The following VSTM4 variants were observed in gnomAD, a reference collection of about 807,000 sequenced individuals.
VSTM4 encodes V-set and transmembrane domain containing 4, also known as V-set and transmembrane domain-containing protein 4.
Under a neutral mutation model 36.4 loss-of-function variants are expected in VSTM4, and 20 were observed. The ratio of observed to expected loss-of-function variants is 0.55; its 90% CI spans 0.39 to 0.80. The LOEUF (loss-of-function observed/expected upper bound fraction) is 0.80, where lower values mean the gene tolerates loss of function less well. Among genes scored for constraint, VSTM4 ranks in the 30% least tolerant of loss-of-function variants. The probability of loss-of-function intolerance (pLI) is 0.00; values close to 1 mark genes in which losing one functional copy is unlikely to be tolerated. For synonymous variants in VSTM4, 182 were observed against 173.9 expected (o/e 1.05, Z -0.37); for missense variants, 392 against 404.5 (o/e 0.97, Z 0.26).
At chr10:49,054,628 G>C (rs986142298) in intron 5 of VSTM4, among the ~76,000 whole-genome samples, 1 of 152,214 alleles carries the variant, frequency 6.6e-6, no homozygotes, top group African/African-American at 2.4e-5. Context: ...AGAAGGCGGG[G>C]AGCAGTTTAT....
At chr10:49,045,666 C>T (rs4012666) in intron 7 of VSTM4, among the ~76,000 whole-genome samples, 12,591 of 152,192 alleles carry the variant, frequency 0.083, 816 homozygotes, top group East Asian at 0.21. Context: ...AGGGACTGGC[C>T]TCTAACAAAT....
chr10:49,109,485 A>T (rs1053511030), intron 1 of VSTM4, among the ~76,000 whole-genome samples: 3 of 134,616 alleles, frequency 2.2e-5, no homozygotes, highest in African/African-American at 7.9e-5. Context: ...TGATTTCAGG[A>T]TCATTTTTCC....
chr10:49,078,108 A>T (rs1844212478), intron 3 of VSTM4, among the ~76,000 whole-genome samples: 2 of 152,248 alleles, frequency 1.3e-5, no homozygotes, highest in Admixed American at 1.3e-4. Context: ...CAACTACAGT[A>T]AAATATCCCT....
At chr10:49,032,709 G>A (rs1271513410) in intron 7 of VSTM4, among the ~76,000 whole-genome samples, 1 of 152,178 alleles carries the variant, frequency 6.6e-6, no homozygotes, top group Non-Finnish European at 1.5e-5. Flanking sequence ...TCTTTCCAAT[G>A]AAACTCTTTC....
At chr10:49,096,668 T>TGTGTGTGTGTGTGTGTGTGTGTG in intron 2 of VSTM4, among the ~76,000 whole-genome samples, 16 of 147,270 alleles carry the variant, frequency 1.1e-4, no homozygotes, top group African/African-American at 3.8e-4. Flanking sequence ...TGTGTGTGTG[T>TGTGTGTGTGTGTGTGTGTGTGTG]TTTGAGACGG....
chr10:49,040,373 C>T (rs1240001760), intron 7 of VSTM4, among the ~76,000 whole-genome samples: 2 of 150,016 alleles, frequency 1.3e-5, no homozygotes, highest in African/African-American at 4.9e-5. Flanking sequence ...ACCTCCATTT[C>T]CCGGGTTCAA....
chr10:49,063,547 T>G (rs1843919864), intron 5 of VSTM4, among the ~76,000 whole-genome samples: 2 of 152,240 alleles, frequency 1.3e-5, no homozygotes, highest in Admixed American at 6.5e-5. Context: ...AGGTTTATCA[T>G]GTAATCTTGG....
Position 49,019,780 on chromosome 10 carries a change from A to T in VSTM4, c.838-5T>A. 1 of 1,607,890 alleles carries T rather than the reference A, an allele frequency of 6.2e-7. No individual in the cohort carries two copies. The highest frequency in any genetic ancestry group is 8.5e-7 in the Non-Finnish European group (1 of 1,176,778). On this transcript the variant is annotated splice_region_variant and splice_polypyrimidine_tract_variant and intron_variant, in intron 7 of 7. Transcript: ENST00000332853. ...GTTTTCCTCAGCAATCTTTGGCTAT[A>T]AAAGAAAAAACAAAACAAAACACAA... is the stretch of plus-strand genomic sequence containing the variant.
chr10:49,033,995 T>C (rs1046864729), intron 7 of VSTM4, among the ~76,000 whole-genome samples: 3 of 151,918 alleles, frequency 2.0e-5, no homozygotes, highest in Non-Finnish European at 4.4e-5. Context: ...ATCACCATCA[T>C]CACCATTACC....
chr10:49,100,164 T>G lies in VSTM4; in HGVS notation c.457+7430A>C, dbSNP rs1172058265. 2.0e-5 allele frequency among the ~76,000 whole-genome samples: 3 copies of G among 152,222 alleles called. No individual in the cohort carries two copies. In the East Asian group the frequency reaches 5.8e-4, roughly 29 times the overall value. The stretch of plus-strand genomic sequence containing the variant: ...CCACGGTTGCCTCAAAGCTGGCTTT[T>G]AATAAGATAACTGACAGTCTCTAAG... On this transcript the variant is annotated intron_variant, in intron 2 of 7. Coordinates refer to ENST00000332853, the MANE Select transcript of VSTM4 (RefSeq NM_001031746.5).
At chr10:49,084,728 T>C (rs1844339419) in intron 3 of VSTM4, among the ~76,000 whole-genome samples, 1 of 152,254 alleles carries the variant, frequency 6.6e-6, no homozygotes, top group South Asian at 2.1e-4. Flanking sequence ...TTAATCAGCC[T>C]TTCACTGATC....
chr10:49,107,536 G>A (rs1844804337), intron 2 of VSTM4, 58 bp downstream of exon 2: 1 of 1,528,930 alleles, frequency 6.5e-7, no homozygotes, highest in African/African-American at 1.4e-5. Context: ...TGGCTGCAAA[G>A]GGGGGCCTAC....
At chr10:49,063,494 C>A (rs149324664) in intron 5 of VSTM4, among the ~76,000 whole-genome samples, 1 of 152,078 alleles carries the variant, frequency 6.6e-6, no homozygotes, top group Non-Finnish European at 1.5e-5. Context: ...GTCAGAAGGT[C>A]CCAGGTCCTA....
chr10:49,096,017 G>GT (rs1426279680), intron 2 of VSTM4, among the ~76,000 whole-genome samples: 1 of 152,166 alleles, frequency 6.6e-6, no homozygotes, highest in African/African-American at 2.4e-5. Flanking sequence ...TTAAAGTGGT[G>GT]TTTAAATTAC....
At chr10:49,094,026 C>A (rs1038215782) in intron 2 of VSTM4, among the ~76,000 whole-genome samples, 1 of 152,144 alleles carries the variant, frequency 6.6e-6, no homozygotes, top group East Asian at 1.9e-4. Context: ...GGATTACAGG[C>A]GTTAGCCACG....
intron 5 of VSTM4, among the ~76,000 whole-genome samples, chr10:49,053,090 G>T (rs551604866): frequency 6.6e-6 from 1 of 152,200 alleles, no homozygotes; most frequent in Non-Finnish European, 1.5e-5. Context: ...GCTATATTTT[G>T]TCTCTGACAC....
At chr10:49,113,067 T>G (rs1844927355) in intron 1 of VSTM4, among the ~76,000 whole-genome samples, 1 of 152,178 alleles carries the variant, frequency 6.6e-6, no homozygotes, top group South Asian at 2.1e-4. Context: ...GCCAGGGATG[T>G]GCTCGTAGCT....
At chr10:49,096,634 T>C (rs1291098375) in intron 2 of VSTM4, among the ~76,000 whole-genome samples, 1 of 145,328 alleles carries the variant, frequency 6.9e-6, no homozygotes, top group Admixed American at 6.9e-5. Flanking sequence ...TGTGTGTGTG[T>C]GTGTGTGTGT....
At chr10:49,104,321 A>G (rs1234134386) in intron 2 of VSTM4, among the ~76,000 whole-genome samples, 1 of 152,124 alleles carries the variant, frequency 6.6e-6, no homozygotes, top group African/African-American at 2.4e-5. Context: ...AACAACAACT[A>G]TGAACATGAG....
Sources: gnomAD v4.1 joint callset for allele counts (sites outside exome capture counted in the v4.1 genomes callset) on GRCh38, gnomAD v4.1.1 for gene constraint, MANE v1.5 for transcripts, NCBI Gene and HGNC (gene_info 2026-07-23, HGNC 2026-07-21) for gene names.